NAT10: variants seen among roughly 807,000 people sequenced by gnomAD.
The protein encoded by NAT10 is RNA cytidine acetyltransferase.
In NAT10, 109 loss-of-function variants were observed where a neutral mutation model predicts 132.2. The ratio of observed to expected loss-of-function variants is 0.82; its 90% CI spans 0.71 to 0.97. The LOEUF (loss-of-function observed/expected upper bound fraction) is 0.97, where lower values mean the gene tolerates loss of function less well. Ranked by LOEUF, NAT10 falls within the 50% of genes least tolerant of loss-of-function variation. The pLI is 0.00. For missense variants in NAT10, 1,184 were observed against 1,263.4 expected (o/e 0.94, Z 0.95); for synonymous variants, 479 against 478.0 (o/e 1.00, Z -0.03).
At chr11:34,143,397 T>C (rs557662845) in intron 27 of NAT10, 48 bp from the exon 28 acceptor site, 26 of 1,503,898 alleles carry the variant, frequency 1.7e-5, no homozygotes, top group Non-Finnish European at 2.4e-5. Context: ...TCTTAAGCAG[T>C]CCCCTCTTCT....
chr11:34,139,053 G>A (rs183795821), intron 21 of NAT10, 138 bp from the exon 22 acceptor site: 18 of 709,688 alleles, frequency 2.5e-5, no homozygotes, highest in African/African-American at 1.6e-4. Flanking sequence ...TGAGAAGGGC[G>A]CCTACCCCCA....
rs762230201 is a variant in NAT10, at chr11:34,143,445, A to G, written c.2886A>G (p.Glu962=). The change falls in exon 28 of 29, where the codon GAA becomes GAG. Residue 962 remains glutamate, a splice_region_variant and synonymous_variant. Coordinates refer to ENST00000257829, the MANE Select transcript of NAT10 (RefSeq NM_024662.3). ...VGKLKSMDLS[E]YIIRGDDEEW... ...TTGATAGTTCCCTTCTTTTTTTTAG[A>G]TACATAATCCGTGGGGACGATGAAG... 2 of 1,611,670 alleles carry G rather than the reference A, an allele frequency of 1.2e-6. No individual in the cohort carries two copies. Among genetic ancestry groups the G allele is most frequent in the Non-Finnish European group, 1.7e-6 (2 of 1,178,924 alleles).
rs764963032 is a variant in NAT10, at chr11:34,118,269, T to C, written c.647T>C (p.Met216Thr). The C allele has an allele frequency of 1.9e-6, 3 of 1,614,146 alleles. No individual in the cohort carries two copies. Among genetic ancestry groups the C allele is most frequent in the Non-Finnish European group, 2.5e-6 (3 of 1,179,978 alleles). The change falls in exon 7 of 29, where the codon ATG (methionine) becomes ACG (threonine). Residue 216 changes from methionine (M) to threonine (T), a missense_variant. Met to Thr is a moderately conservative substitution (Grantham distance 81). Transcript: ENST00000257829. ...CCCATCTCCTCCCACGTTGCCACCATGGAGGCCCTGCCTCCCCAGACTCCG... is the reference window on the plus strand; with the variant it reads ...CCCATCTCCTCCCACGTTGCCACCACGGAGGCCCTGCCTCCCCAGACTCCG... ...ILPISSHVATMEALPPQTPDE... is the reference protein window; with the variant it reads ...ILPISSHVATTEALPPQTPDE...
intron 5 of NAT10, among the ~76,000 whole-genome samples, chr11:34,114,175 CA>C (rs1185793912): frequency 6.6e-6 from 1 of 151,968 alleles, no homozygotes; most frequent in Middle Eastern, 3.2e-3. Context: ...TTGTGTATTG[CA>C]AAAAAAGGAC....
At chr11:34,138,934 A>G (rs532162465) in intron 21 of NAT10, 5 of 449,458 alleles carry the variant, frequency 1.1e-5, no homozygotes, top group South Asian at 8.9e-5. Flanking sequence ...AAGAGCCAGC[A>G]GCTCTTCTCT....
intron 23 of NAT10, among the ~76,000 whole-genome samples, 197 bp from the exon 24 acceptor site, chr11:34,140,203 C>T (rs1852295030): frequency 6.6e-6 from 1 of 152,182 alleles, no homozygotes; most frequent in Non-Finnish European, 1.5e-5. Context: ...GGCAGCCGTC[C>T]CCTCCCCACA....
In NAT10 at chr11:34,140,450, C is replaced by G. The variant is rs142026665; in HGVS notation, c.2470C>G (p.Arg824Gly). Residue 824 changes from arginine (R) to glycine (G), a missense_variant, in exon 24 of 29, where the codon CGG becomes GGG. By Grantham distance (125) the Arg-to-Gly change is moderately radical. Transcript: ENST00000257829. ...EALFLPYDLKRLEMYSRNMVD... is the reference protein window; with the variant it reads ...EALFLPYDLKGLEMYSRNMVD... ...ACTCTTCCTCCCCTATGACCTGAAG[C>G]GGCTGGAGATGTATTCACGGAATAT... The G allele has an allele frequency of 8.7e-5, 140 of 1,614,026 alleles. No individual in the cohort carries two copies. Among genetic ancestry groups the G allele is most frequent in the Non-Finnish European group, 1.1e-4 (134 of 1,180,010 alleles).
chr11:34,122,821 C>T (rs1250772854), intron 9 of NAT10, among the ~76,000 whole-genome samples: 1 of 152,172 alleles, frequency 6.6e-6, no homozygotes, highest in Non-Finnish European at 1.5e-5. Context: ...ACATATATAC[C>T]AGGGCCTTTG....
intron 8 of NAT10, among the ~76,000 whole-genome samples, chr11:34,120,873 G>A (rs2132948658): frequency 6.6e-6 from 1 of 152,358 alleles, no homozygotes; most frequent in Admixed American, 6.5e-5. Flanking sequence ...GCCTCATGTA[G>A]GAGGTGATTT....
At chr11:34,139,134 A>G in intron 21 of NAT10, 57 bp from the exon 22 acceptor site, 1 of 1,449,288 alleles carries the variant, frequency 6.9e-7, no homozygotes, top group East Asian at 2.3e-5. Flanking sequence ...TTCATCAATG[A>G]TGGGTTATTC....
Position 34,143,522 on chromosome 11 carries a change from T to A in NAT10, c.2963T>A (p.Leu988Gln). The A allele has an allele frequency of 6.2e-7, 1 of 1,613,784 alleles. No homozygotes were observed. Among genetic ancestry groups the A allele is most frequent in the Non-Finnish European group, 8.5e-7 (1 of 1,179,846 alleles). ...KAGPNASIIS[L>Q]KSDKKRKLEA... is the part of the protein sequence containing the mutation. ...GGGCCGAACGCCTCGATCATCAGCC[T>A]GAAAAGGTGAGGGCCCAGGGTCTGA... The change falls in exon 28 of 29, where the codon CTG becomes CAG. Residue 988 changes from leucine (L) to glutamine (Q), a missense_variant. Coordinates refer to ENST00000257829, the MANE Select transcript of NAT10 (RefSeq NM_024662.3).
At chr11:34,108,019 T>C (rs1851625596) in intron 1 of NAT10, among the ~76,000 whole-genome samples, 192 bp from the exon 2 acceptor site, 1 of 152,234 alleles carries the variant, frequency 6.6e-6, no homozygotes, top group Non-Finnish European at 1.5e-5. Flanking sequence ...GAAGGTTTTC[T>C]CACCTCCCAA....
chr11:34,124,083 C>A (rs545013443), intron 10 of NAT10, among the ~76,000 whole-genome samples: 1 of 152,032 alleles, frequency 6.6e-6, no homozygotes, highest in Non-Finnish European at 1.5e-5. Flanking sequence ...GCAGGAGAAT[C>A]GCTTGAACCC....
At chr11:34,131,600 A>G (rs2132965369) in intron 14 of NAT10, 69 bp downstream of exon 14, 1 of 1,484,726 alleles carries the variant, frequency 6.7e-7, no homozygotes, top group South Asian at 1.3e-5. Flanking sequence ...AAAGGACTTG[A>G]GTCCTTTGTT....
At chr11:34,137,568 A>G (rs370041941) in intron 21 of NAT10, among the ~76,000 whole-genome samples, 17 of 152,324 alleles carry the variant, frequency 1.1e-4, no homozygotes, top group East Asian at 3.8e-4. Context: ...TATTCATAAT[A>G]GAATGCACTG....
chr11:34,117,627 C>T (rs1442084272), intron 6 of NAT10, among the ~76,000 whole-genome samples: 1 of 152,168 alleles, frequency 6.6e-6, no homozygotes. Context: ...CCTATGAAAT[C>T]CTTTTCTTGC....
intron 20 of NAT10, 57 bp downstream of exon 20, chr11:34,136,832 C>G (rs1852225695): frequency 1.2e-6 from 2 of 1,613,242 alleles, no homozygotes; most frequent in South Asian, 2.2e-5. Flanking sequence ...AAGAAGAGTT[C>G]TGTGGGCTGT....
chr11:34,143,379 T>A (rs1197391077), intron 27 of NAT10, 66 bp from the exon 28 acceptor site: 13 of 1,378,926 alleles, frequency 9.4e-6, no homozygotes, highest in Admixed American at 2.0e-5. Context: ...GTCACTGTCG[T>A]TATTTTCTCT....
At chr11:34,140,361 G>T (rs372616384) in intron 23 of NAT10, 39 bp from the exon 24 acceptor site, 8 of 1,585,844 alleles carry the variant, frequency 5.0e-6, no homozygotes, top group Admixed American at 1.7e-5. Flanking sequence ...TGAGGGCGCC[G>T]GGTGACCTAA....
Sources: gnomAD v4.1 joint callset for allele counts (sites outside exome capture counted in the v4.1 genomes callset) on GRCh38, gnomAD v4.1.1 for gene constraint, MANE v1.5 for transcripts, NCBI Gene and HGNC (gene_info 2026-07-23, HGNC 2026-07-21) for gene names.